Variants in UBTD1 observed in about 807,000 individuals in gnomAD.
UBTD1 encodes ubiquitin domain containing 1, also known as ubiquitin domain-containing protein 1.
Under a neutral mutation model 21.7 loss-of-function variants are expected in UBTD1, and 19 were observed. The observed-to-expected ratio is 0.87, with a 90% CI of 0.61 to 1.28. The LOEUF (loss-of-function observed/expected upper bound fraction) is 1.28, where lower values mean the gene tolerates loss of function less well. Ranked by LOEUF, UBTD1 falls within the 50% of genes most tolerant of loss-of-function variation. The pLI is 0.00. For missense variants in UBTD1, 282 were observed against 315.1 expected (o/e 0.89, Z 0.80); for synonymous variants, 116 against 135.1 (o/e 0.86, Z 0.98).
chr10:97,504,072 C>T (rs1428596422), intron 1 of UBTD1, among the ~76,000 whole-genome samples: 2 of 152,158 alleles, frequency 1.3e-5, no homozygotes, highest in East Asian at 1.9e-4. Flanking sequence ...AAATTCTCGT[C>T]GTCCCTGACT....
rs966889349 is a variant in UBTD1 at position 97,541,799 on chromosome 10, A to G, written c.71-26115A>G. Among the ~76,000 whole-genome samples the G allele has an allele frequency of 4.3e-5, 6 of 140,396 alleles. No homozygotes were observed. The South Asian group carries it at 8.9e-4, about 21-fold the overall frequency. The allele number at this position is 140,396 out of a possible 152,430, so 92.1% of individuals were successfully genotyped here. A position where few individuals can be genotyped will look rare whatever the true frequency, so the allele number is the denominator to read the frequency against. Reference sequence around the variant, plus strand: ...ATCCAGGCTGGAGTGCAGTAGTGCGATCTCGGCTCACTGCAACCTCCGCCT... The same window carrying G: ...ATCCAGGCTGGAGTGCAGTAGTGCGGTCTCGGCTCACTGCAACCTCCGCCT... On this transcript the variant is annotated intron_variant, in intron 1 of 2. Transcript: ENST00000370664.
intron 1 of UBTD1, among the ~76,000 whole-genome samples, chr10:97,526,059 A>G (rs938617326): frequency 1.4e-4 from 21 of 152,128 alleles, no homozygotes; most frequent in Non-Finnish European, 2.6e-4. Flanking sequence ...CCCTGGCCCT[A>G]GGTCAGCTCC....
intron 1 of UBTD1, among the ~76,000 whole-genome samples, chr10:97,548,574 T>C (rs1420595518): frequency 1.3e-5 from 2 of 152,122 alleles, no homozygotes; most frequent in African/African-American, 4.8e-5. Flanking sequence ...GGCAGGCGGA[T>C]CACTTGAGGC....
rs144753553 is a variant in UBTD1 at position 97,567,916 on chromosome 10, C to T, written c.73C>T (p.Arg25Cys). 3.7e-4 allele frequency: 603 copies of T among 1,614,048 alleles called. 1 individual carries two copies. The highest frequency in any genetic ancestry group is 4.4e-4 in the Non-Finnish European group (524 of 1,180,024). The change falls in exon 2 of 3, where the codon CGC (arginine) becomes TGC (cysteine). Residue 25 changes from arginine to cysteine, a missense_variant and splice_region_variant. By Grantham distance (180) the Arg-to-Cys change is radical. Transcript: ENST00000370664. ...APGHPRKRAGRNEPLKKERLK... is the reference protein window; with the variant it reads ...APGHPRKRAGCNEPLKKERLK... Reference sequence around the variant, plus strand: ...GCCTCTCCTTCTGTCCTGCCCAGGACGCAATGAGCCCCTGAAGAAAGAGCG... The same window carrying T: ...GCCTCTCCTTCTGTCCTGCCCAGGATGCAATGAGCCCCTGAAGAAAGAGCG...
intron 1 of UBTD1, among the ~76,000 whole-genome samples, chr10:97,542,624 C>G (rs1410712394): frequency 6.6e-6 from 1 of 152,180 alleles, no homozygotes; most frequent in African/African-American, 2.4e-5. Context: ...AAGGGGCCTT[C>G]CCTGTTGGGA....
At chr10:97,523,796 C>A (rs1010792152) in intron 1 of UBTD1, among the ~76,000 whole-genome samples, 4 of 151,632 alleles carry the variant, frequency 2.6e-5, no homozygotes, top group African/African-American at 9.7e-5. Context: ...TGTAGCAGAC[C>A]CAGAATTAAG....
intron 1 of UBTD1, among the ~76,000 whole-genome samples, chr10:97,499,491 C>T (rs2040317374): frequency 6.6e-6 from 1 of 152,242 alleles, no homozygotes; most frequent in African/African-American, 2.4e-5. Context: ...GCGACCAACT[C>T]TCTCCAACTG....
At chr10:97,565,783 C>G (rs2135689205) in intron 1 of UBTD1, among the ~76,000 whole-genome samples, 1 of 152,210 alleles carries the variant, frequency 6.6e-6, no homozygotes, top group African/African-American at 2.4e-5. Flanking sequence ...ATGATCATGG[C>G]TCACTGCAGC....
chr10:97,525,411 A>C (rs1183796569), intron 1 of UBTD1, among the ~76,000 whole-genome samples: 1 of 152,182 alleles, frequency 6.6e-6, no homozygotes, highest in African/African-American at 2.4e-5. Flanking sequence ...AGGAATTAGG[A>C]GGGCTTCACA....
At chr10:97,527,389 G>A (rs891811180) in intron 1 of UBTD1, among the ~76,000 whole-genome samples, 1 of 151,770 alleles carries the variant, frequency 6.6e-6, no homozygotes, top group African/African-American at 2.4e-5. Context: ...ATCCCTTAGG[G>A]CATAATGTCC....
chr10:97,560,283 A>G (rs2040686264), intron 1 of UBTD1, among the ~76,000 whole-genome samples: 1 of 152,184 alleles, frequency 6.6e-6, no homozygotes, highest in Non-Finnish European at 1.5e-5. Flanking sequence ...TAGACTGTCT[A>G]AGGCCACAAG....
At chr10:97,563,307 C>T (rs866696987) in intron 1 of UBTD1, among the ~76,000 whole-genome samples, 1 of 152,100 alleles carries the variant, frequency 6.6e-6, no homozygotes, top group Non-Finnish European at 1.5e-5. Context: ...ATATACCAAG[C>T]CAGATTGATT....
At chr10:97,567,028 A>G (rs796439873) in intron 1 of UBTD1, among the ~76,000 whole-genome samples, 19 of 152,010 alleles carry the variant, frequency 1.2e-4, no homozygotes, top group African/African-American at 4.6e-4. Context: ...TGCTTAAAAA[A>G]TCCTTTTTTT....
intron 1 of UBTD1, 71 bp downstream of exon 1, chr10:97,499,344 C>A: frequency 2.0e-6 from 3 of 1,487,054 alleles, no homozygotes; most frequent in Non-Finnish European, 2.7e-6. Flanking sequence ...GAGTCCTGGG[C>A]TTACCGATGG....
intron 1 of UBTD1, among the ~76,000 whole-genome samples, chr10:97,526,707 C>T (rs946991145): frequency 2.1e-4 from 31 of 151,198 alleles, no homozygotes; most frequent in Admixed American, 1.7e-3. Context: ...AAAAGTCAGC[C>T]GGGCATGGTG....
chr10:97,515,977 C>T (rs960640898), intron 1 of UBTD1, among the ~76,000 whole-genome samples: 1 of 152,212 alleles, frequency 6.6e-6, no homozygotes, highest in African/African-American at 2.4e-5. Flanking sequence ...GCTCTGGTCC[C>T]AGGGAGGAAA....
At chr10:97,547,468 C>G (rs1564742199) in intron 1 of UBTD1, among the ~76,000 whole-genome samples, 1 of 152,202 alleles carries the variant, frequency 6.6e-6, no homozygotes, top group Non-Finnish European at 1.5e-5. Context: ...TCCATCAAGC[C>G]CACTCTCTGT....
chr10:97,550,902 A>G (rs1427984101), intron 1 of UBTD1, among the ~76,000 whole-genome samples: 1 of 151,958 alleles, frequency 6.6e-6, no homozygotes, highest in African/African-American at 2.4e-5. Context: ...ATCCACCATC[A>G]TTATCCTCCT....
chr10:97,516,908 G>C (rs1189395949), intron 1 of UBTD1, among the ~76,000 whole-genome samples: 1 of 152,190 alleles, frequency 6.6e-6, no homozygotes, highest in African/African-American at 2.4e-5. Flanking sequence ...GGGGAGGGCA[G>C]TAAGAGGTGG....
Sources: allele counts gnomAD v4.1 joint callset (sites outside exome capture counted in the v4.1 genomes callset), GRCh38; gene constraint gnomAD v4.1.1; transcripts MANE v1.5; gene names NCBI Gene and HGNC (gene_info 2026-07-23, HGNC 2026-07-21).